BCCIP: variants seen among roughly 807,000 people sequenced by gnomAD.
BCCIP encodes the protein BRCA2 and CDKN1A-interacting protein.
BCCIP carries 23 observed loss-of-function variants against 32.8 expected under a neutral mutation model. That is an observed-to-expected ratio of 0.70 (90% CI 0.51 to 0.99). BCCIP has a LOEUF of 0.99. Among genes scored for constraint, BCCIP ranks in the 50% least tolerant of loss-of-function variants. BCCIP has a pLI of 0.00. For missense variants in BCCIP, 378 were observed against 379.8 expected (o/e 1.00, Z 0.04); for synonymous variants, 144 against 137.6 (o/e 1.05, Z -0.33).
downstream of BCCIP, among the ~76,000 whole-genome samples, chr10:125,837,889 T>C (rs1854746674): frequency 6.6e-6 from 1 of 152,214 alleles, no homozygotes; most frequent in South Asian, 2.1e-4. Context: ...GCAGTGGCTC[T>C]TGAAAGATGG....
intron 6 of BCCIP, among the ~76,000 whole-genome samples, chr10:125,834,487 C>G (rs1045470267): frequency 1.3e-5 from 2 of 152,134 alleles, no homozygotes; most frequent in Non-Finnish European, 2.9e-5. Flanking sequence ...AGAGAATATT[C>G]TTACCCTCTC....
chr10:125,852,270 C>T (rs1203485439), intron 7 of BCCIP: 2 of 1,609,308 alleles, frequency 1.2e-6, no homozygotes, highest in Non-Finnish European at 1.7e-6. Flanking sequence ...TAATGCCTGG[C>T]TGACATGGGA....
At chr10:125,828,097 G>T (rs1590050945) in intron 3 of BCCIP, among the ~76,000 whole-genome samples, 1 of 152,078 alleles carries the variant, frequency 6.6e-6, no homozygotes, top group African/African-American at 2.4e-5. Context: ...CAGTAGTCCA[G>T]GTGGGGGCAA....
chr10:125,838,379 C>A, downstream of BCCIP: 1 of 1,572,394 alleles, frequency 6.4e-7, no homozygotes, highest in Non-Finnish European at 8.6e-7. Context: ...CATCAACATC[C>A]CGAGCAATCT....
At chr10:125,841,026 C>T (rs1854863199), downstream of BCCIP, 2 of 1,581,270 alleles carry the variant, frequency 1.3e-6, no homozygotes, top group East Asian at 4.5e-5. Flanking sequence ...ACATGGTTAG[C>T]AATAATGAAG....
chr10:125,826,989 C>A (rs968708584), intron 2 of BCCIP, among the ~76,000 whole-genome samples: 1 of 14,772 alleles, frequency 6.8e-5, no homozygotes, highest in Non-Finnish European at 1.9e-4. Flanking sequence ...GAGTGAGCCT[C>A]TGTCTCTAAA....
In BCCIP at chr10:125,829,554, C is replaced by T. The variant is rs542848540; in HGVS notation, c.322-1008C>T. On this transcript the variant is annotated intron_variant, in intron 3 of 6. Transcript: ENST00000278100. The stretch of plus-strand genomic sequence containing the variant: ...CTTTTACACCACTAAAATTCGGACA[C>T]TGAGTGATAGGGTCACCAACATACT... 2.0e-5 allele frequency among the ~76,000 whole-genome samples: 3 copies of T among 152,352 alleles called. No homozygotes were observed. In the East Asian group the frequency reaches 5.8e-4, roughly 29 times the overall value.
chr10:125,827,913 G>T (rs181727011), intron 3 of BCCIP, among the ~76,000 whole-genome samples: 1 of 149,688 alleles, frequency 6.7e-6, no homozygotes, highest in Non-Finnish European at 1.5e-5. Flanking sequence ...GAAGGCCATG[G>T]TGAGCTTTGT....
At chr10:125,845,552 A>G (rs1308210278), downstream of BCCIP, among the ~76,000 whole-genome samples, 1 of 152,214 alleles carries the variant, frequency 6.6e-6, no homozygotes, top group African/African-American at 2.4e-5. Context: ...TCTCCTGGTA[A>G]CCAGTCCCCA....
At chr10:125,841,948 A>T (rs1854892488) in exon 7 of BCCIP, 3 of 1,574,064 alleles carry the variant, frequency 1.9e-6, no homozygotes, top group Non-Finnish European at 2.6e-6. Context: ...GGAAAGGAAA[A>T]AAATAATAAT....
exon 7 of BCCIP, chr10:125,842,277 C>T (rs978164815): frequency 4.1e-6 from 1 of 244,388 alleles, no homozygotes; most frequent in African/African-American, 2.3e-5. Flanking sequence ...GGTCACAGTA[C>T]TGGAGAGAGA....
At position 125,833,958 on chromosome 10, in the gene BCCIP, C is replaced by G. The variant is rs1230714955; in HGVS notation, c.774+12C>G. On this transcript the variant is annotated intron_variant, in intron 6 of 6. Transcript: ENST00000278100. ...AATTTTTCTATGAGGTAAGACTATCCTGCTTATTTGTTTAGATGTAAATAA... is the reference window on the plus strand; with the variant it reads ...AATTTTTCTATGAGGTAAGACTATCGTGCTTATTTGTTTAGATGTAAATAA... 6.2e-7 allele frequency: 1 copy of G among 1,612,126 alleles called. No homozygotes were observed. Among genetic ancestry groups the G allele is most frequent in the East Asian group, 2.2e-5 (1 of 44,878 alleles).
At chr10:125,828,131 A>C (rs768327441) in intron 3 of BCCIP, among the ~76,000 whole-genome samples, 1 of 152,140 alleles carries the variant, frequency 6.6e-6, no homozygotes, top group Non-Finnish European at 1.5e-5. Flanking sequence ...AAGTGGGCTC[A>C]TTTAGAAAAT....
At chr10:125,834,873 C>T (rs1394632652) in intron 6 of BCCIP, among the ~76,000 whole-genome samples, 1 of 151,666 alleles carries the variant, frequency 6.6e-6, no homozygotes, top group Non-Finnish European at 1.5e-5. Flanking sequence ...TGGCTCACGC[C>T]TGTAATCCCA....
downstream of BCCIP, among the ~76,000 whole-genome samples, chr10:125,847,608 A>G (rs1944037925): frequency 6.6e-6 from 1 of 152,208 alleles, no homozygotes; most frequent in Admixed American, 6.5e-5. Flanking sequence ...CAGAGGGTGG[A>G]GAGGATGGTT....
At chr10:125,836,929 C>A, downstream of BCCIP, 1 of 1,322,540 alleles carries the variant, frequency 7.6e-7, no homozygotes, top group Non-Finnish European at 1.1e-6. Flanking sequence ...TATGTCTGGG[C>A]ACTTCCCATC....
chr10:125,829,502 A>G (rs1315781409), intron 3 of BCCIP, among the ~76,000 whole-genome samples: 2 of 152,200 alleles, frequency 1.3e-5, no homozygotes, highest in African/African-American at 2.4e-5. Context: ...CTGTCCTCCT[A>G]TTCATTCTTC....
intron 7 of BCCIP, among the ~76,000 whole-genome samples, chr10:125,850,772 A>AT (rs1944080795): frequency 6.6e-6 from 1 of 152,244 alleles, no homozygotes; most frequent in African/African-American, 2.4e-5. Flanking sequence ...ATCATAGATC[A>AT]TACCAAAGCC....
downstream of BCCIP, among the ~76,000 whole-genome samples, chr10:125,843,595 G>C (rs1302074027): frequency 6.6e-6 from 1 of 151,694 alleles, no homozygotes. Flanking sequence ...CTGGGCGACA[G>C]AGCGAGACTC....
Sources: gnomAD v4.1 joint callset for allele counts (sites outside exome capture counted in the v4.1 genomes callset) on GRCh38, gnomAD v4.1.1 for gene constraint, MANE v1.5 for transcripts, NCBI Gene and HGNC (gene_info 2026-07-23, HGNC 2026-07-21) for gene names.